The following RBMS1 variants were observed in gnomAD, a reference collection of about 807,000 sequenced individuals.
The protein encoded by RBMS1 is RNA-binding motif, single-stranded-interacting protein 1.
RBMS1 carries 17 observed loss-of-function variants against 62.3 expected under a neutral mutation model. The observed-to-expected ratio is 0.27, with a 90% CI of 0.19 to 0.41. The LOEUF is 0.41. Among genes scored for constraint, RBMS1 ranks in the 10% least tolerant of loss-of-function variants. The probability of loss-of-function intolerance (pLI) is 1.00; values close to 1 mark genes in which losing one functional copy is unlikely to be tolerated. For synonymous variants in RBMS1, 172 were observed against 170.0 expected (o/e 1.01, Z -0.09); for missense variants, 334 against 504.5 (o/e 0.66, Z 3.24).
intron 1 of RBMS1, among the ~76,000 whole-genome samples, chr2:160,491,293 C>G (rs1178328002): frequency 6.6e-6 from 1 of 152,094 alleles, no homozygotes; most frequent in Admixed American, 6.5e-5. Context: ...ATACCTTTCT[C>G]CAGAAACAAA....
At chr2:160,377,554 TG>T (rs1482242505) in intron 1 of RBMS1, among the ~76,000 whole-genome samples, 3 of 152,224 alleles carry the variant, frequency 2.0e-5, no homozygotes, top group Non-Finnish European at 4.4e-5. Flanking sequence ...AGGAGCAAGC[TG>T]CATCTATTCA....
chr2:160,281,175 T>C, intron 10 of RBMS1, 139 bp downstream of exon 10: 1 of 513,316 alleles, frequency 1.9e-6, no homozygotes, highest in African/African-American at 2.0e-5. Flanking sequence ...AGAAGTTTTA[T>C]AATGAAATTG....
At chr2:160,353,880 G>C (rs1024682037) in intron 2 of RBMS1, among the ~76,000 whole-genome samples, 1 of 152,040 alleles carries the variant, frequency 6.6e-6, no homozygotes, top group Non-Finnish European at 1.5e-5. Context: ...AGTGTTCAGA[G>C]CACTTGACAT....
At chr2:160,341,201 T>A (rs1396397434) in intron 2 of RBMS1, among the ~76,000 whole-genome samples, 1 of 152,166 alleles carries the variant, frequency 6.6e-6, no homozygotes, top group Non-Finnish European at 1.5e-5. Context: ...TGTCATTAAA[T>A]ATTCCTCCAA....
chr2:160,346,353 G>C (rs553906096), intron 2 of RBMS1, among the ~76,000 whole-genome samples: 5 of 152,122 alleles, frequency 3.3e-5, no homozygotes, highest in Non-Finnish European at 7.4e-5. Context: ...GGGGCCCTGG[G>C]GCAGCCTGGG....
At chr2:160,471,857 AGAGG>A (rs927221509) in intron 1 of RBMS1, among the ~76,000 whole-genome samples, 9 of 151,662 alleles carry the variant, frequency 5.9e-5, no homozygotes, top group Admixed American at 5.9e-4. Context: ...GGCCAGGGTT[AGAGG>A]GAGGCAAACA....
intron 1 of RBMS1, among the ~76,000 whole-genome samples, chr2:160,367,787 T>A (rs561316016): frequency 2.0e-5 from 3 of 152,284 alleles, no homozygotes; most frequent in South Asian, 4.1e-4. Context: ...TGATTGAAAG[T>A]TGCTTAAAAT....
At chr2:160,407,181 G>A (rs182811341) in intron 1 of RBMS1, among the ~76,000 whole-genome samples, 36 of 152,328 alleles carry the variant, frequency 2.4e-4, no homozygotes, top group Admixed American at 4.6e-4. Flanking sequence ...ACTTGTTGCA[G>A]AGCTGGGTGA....
At chr2:160,405,758 A>G (rs532717412) in intron 1 of RBMS1, among the ~76,000 whole-genome samples, 22 of 152,242 alleles carry the variant, frequency 1.4e-4, no homozygotes, top group Non-Finnish European at 3.1e-4. Flanking sequence ...CCCCCTTCAC[A>G]CACAAAACCT....
chr2:160,284,996 C>T lies in RBMS1; in HGVS notation c.805G>A (p.Gly269Arg), dbSNP rs575475784. The change falls in exon 8 of 14, where the codon GGA becomes AGA. Residue 269 changes from glycine (G) to arginine (R), a missense_variant and splice_region_variant. Gly to Arg is a moderately radical substitution (Grantham distance 125). Around this residue, in one of 3 missense-constraint regions of RBMS1, gnomAD observed 182 missense variants for 257.7 expected, o/e 0.71. Transcript: ENST00000348849. The stretch of plus-strand genomic sequence containing the variant: ...TATGGATTTATTTTAACGACATACC[C>T]GTTCTGTATAGCAGCTGTAGTTGGG... Reference protein sequence around the residue: ...YDPTTAAIQNGFYPSPYSIAT... With the variant: ...YDPTTAAIQNRFYPSPYSIAT... The T allele has an allele frequency of 5.0e-6, 8 of 1,612,526 alleles. No individual in the cohort carries two copies. In the East Asian group the frequency reaches 6.7e-5, roughly 13 times the overall value.
chr2:160,293,686 C>T (rs1425436059), intron 6 of RBMS1, among the ~76,000 whole-genome samples: 2 of 151,984 alleles, frequency 1.3e-5, no homozygotes, highest in Non-Finnish European at 2.9e-5. Context: ...GTGGTGGTGG[C>T]GAGGGGGAGA....
At chr2:160,450,925 C>T (rs540776707) in intron 1 of RBMS1, among the ~76,000 whole-genome samples, 30 of 152,258 alleles carry the variant, frequency 2.0e-4, no homozygotes, top group Non-Finnish European at 3.1e-4. Flanking sequence ...GTAATCCCAG[C>T]ACTTTGGGAG....
chr2:160,413,134 C>A (rs2105256791), intron 1 of RBMS1, among the ~76,000 whole-genome samples: 1 of 152,266 alleles, frequency 6.6e-6, no homozygotes, highest in South Asian at 2.1e-4. Flanking sequence ...ATTTCAGGCA[C>A]CCATTTTTAT....
Position 160,281,355 on chromosome 2 carries a change from G to T in RBMS1, c.910C>A (p.Pro304Thr). Residue 304 changes from proline (P) to threonine (T), a missense_variant, in exon 10 of 14, where the codon CCT becomes ACT. Transcript: ENST00000348849. ...SPVSAYQVQS[P>T]SWMQPQPYIL... The stretch of plus-strand genomic sequence containing the variant: ...TATGGTTGAGGTTGCATCCACGAAG[G>T]ACTTTGCACCTAGAAAAGGGAGGAT... 6.2e-7 allele frequency: 1 copy of T among 1,608,612 alleles called. No homozygotes were observed. Among genetic ancestry groups the T allele is most frequent in the South Asian group, 1.1e-5 (1 of 90,200 alleles).
At chr2:160,455,154 G>C (rs1684164818) in intron 1 of RBMS1, among the ~76,000 whole-genome samples, 1 of 152,148 alleles carries the variant, frequency 6.6e-6, no homozygotes. Context: ...TCAAGAAAAA[G>C]ACCGGTATCT....
At chr2:160,385,028 G>A (rs1694494598) in intron 1 of RBMS1, among the ~76,000 whole-genome samples, 1 of 152,078 alleles carries the variant, frequency 6.6e-6, no homozygotes. Context: ...TGACACATCT[G>A]CTCCCACTCT....
chr2:160,281,243 G>T, intron 10 of RBMS1, 71 bp downstream of exon 10: 1 of 1,226,404 alleles, frequency 8.2e-7, no homozygotes, highest in Non-Finnish European at 1.1e-6. Context: ...CTTGGCAAAT[G>T]GTTTTAACCT....
At position 160,421,512 on chromosome 2, in the gene RBMS1, A is replaced by G. The variant is rs1044267591; in HGVS notation, c.76-54121T>C. Among the ~76,000 whole-genome samples the G allele has an allele frequency of 2.6e-5, 4 of 152,236 alleles. No individual in the cohort carries two copies. In the East Asian group the frequency reaches 7.7e-4, roughly 29 times the overall value. ...TTATGGCTGCATAGTATTCCATGGT[A>G]TATATGTGCCACATTTTCTCAATCC... On this transcript the variant is annotated intron_variant, in intron 1 of 13. Coordinates refer to ENST00000348849, the MANE Select transcript of RBMS1 (RefSeq NM_016836.4).
intron 1 of RBMS1, among the ~76,000 whole-genome samples, chr2:160,417,167 A>G (rs181303863): frequency 6.6e-6 from 1 of 152,324 alleles, no homozygotes; most frequent in East Asian, 1.9e-4. Flanking sequence ...GCACACACAC[A>G]CAGAAAGGAC....
Sources: gnomAD v4.1 joint callset for allele counts (sites outside exome capture counted in the v4.1 genomes callset) on GRCh38, gnomAD v4.1.1 for gene constraint, gnomAD v4.1.1 regional missense constraint, MANE v1.5 for transcripts, NCBI Gene and HGNC (gene_info 2026-07-23, HGNC 2026-07-21) for gene names.